The following DLG2 variants were observed in gnomAD, a reference collection of about 807,000 sequenced individuals.
The protein encoded by DLG2 is disks large homolog 2.
DLG2 carries 45 observed loss-of-function variants against 132.5 expected under a neutral mutation model. The observed-to-expected ratio is 0.34, with a 90% CI of 0.27 to 0.44. The LOEUF is 0.44. Ranked by LOEUF, DLG2 falls within the 20% of genes least tolerant of loss-of-function variation. The pLI is 1.00. For missense variants in DLG2, 1,045 were observed against 1,196.9 expected, an observed-to-expected ratio of 0.87 and a Z score of 1.87; for synonymous variants, 424 against 419.6, an observed-to-expected ratio of 1.01 and a Z score of -0.13.
chr11:83,784,715 G>A (rs1594311055), intron 18 of DLG2, among the ~76,000 whole-genome samples: 1 of 152,164 alleles, frequency 6.6e-6, no homozygotes, highest in South Asian at 2.1e-4. Flanking sequence ...ATAGAACAGG[G>A]ACATGTTTGT....
intron 3 of DLG2, among the ~76,000 whole-genome samples, chr11:85,557,997 A>G (rs1213921845): frequency 6.6e-6 from 1 of 151,992 alleles, no homozygotes; most frequent in Non-Finnish European, 1.5e-5. Context: ...ACAGCAAAAG[A>G]CACTACAACA....
At chr11:84,792,820 A>G (rs935945758) in intron 6 of DLG2, among the ~76,000 whole-genome samples, 2 of 151,952 alleles carry the variant, frequency 1.3e-5, no homozygotes, top group Non-Finnish European at 2.9e-5. Flanking sequence ...TTTTGCTCTT[A>G]GTCTGGATAA....
chr11:84,007,247 C>T (rs923935364), intron 11 of DLG2, among the ~76,000 whole-genome samples: 3 of 151,614 alleles, frequency 2.0e-5, no homozygotes, highest in Non-Finnish European at 4.4e-5. Flanking sequence ...AGTAACTAAA[C>T]AATATTTCCA....
At chr11:84,870,590 C>T (rs2154041240) in intron 6 of DLG2, among the ~76,000 whole-genome samples, 1 of 152,278 alleles carries the variant, frequency 6.6e-6, no homozygotes, top group Non-Finnish European at 1.5e-5. Context: ...CTCGCAATAG[C>T]TGTTGACAAT....
At chr11:83,988,560 ATTTG>A (rs1166343864) in intron 11 of DLG2, among the ~76,000 whole-genome samples, 2 of 152,108 alleles carry the variant, frequency 1.3e-5, no homozygotes, top group Non-Finnish European at 2.9e-5. Context: ...ATGTTTTTCC[ATTTG>A]TTTGTGTGAT....
intron 17 of DLG2, 27 bp from the exon 18 acceptor site, chr11:83,786,819 T>C: frequency 6.2e-7 from 1 of 1,604,952 alleles, no homozygotes; most frequent in Non-Finnish European, 8.5e-7. Context: ...CAGAGAATCT[T>C]GGTATTTCAT....
intron 6 of DLG2, among the ~76,000 whole-genome samples, chr11:84,952,410 G>T (rs538445748): frequency 6.6e-6 from 1 of 152,036 alleles, no homozygotes; most frequent in South Asian, 2.1e-4. Context: ...CCAGCTACTC[G>T]GGAGGCTGAG....
chr11:84,715,725 A>G (rs533381607), intron 6 of DLG2, among the ~76,000 whole-genome samples: 2 of 152,264 alleles, frequency 1.3e-5, no homozygotes, highest in African/African-American at 4.8e-5. Flanking sequence ...GTTGGATAAT[A>G]TTCTAATTTA....
chr11:84,596,755 G>A (rs1250819169), intron 6 of DLG2, among the ~76,000 whole-genome samples: 1 of 152,066 alleles, frequency 6.6e-6, no homozygotes, highest in African/African-American at 2.4e-5. Context: ...TTTTGATTTT[G>A]GAATTACATA....
intron 9 of DLG2, among the ~76,000 whole-genome samples, chr11:84,133,313 T>C (rs1173842287): frequency 6.6e-6 from 1 of 152,034 alleles, no homozygotes; most frequent in African/African-American, 2.4e-5. Context: ...CTATTCTTAT[T>C]ATTGATGTTT....
At chr11:84,963,856 T>C (rs1252001458) in intron 6 of DLG2, among the ~76,000 whole-genome samples, 3 of 152,258 alleles carry the variant, frequency 2.0e-5, no homozygotes, top group Non-Finnish European at 4.4e-5. Flanking sequence ...AAAACTCACC[T>C]GGCACAAGTC....
At chr11:84,406,579 A>G (rs567017030) in intron 7 of DLG2, among the ~76,000 whole-genome samples, 1 of 152,192 alleles carries the variant, frequency 6.6e-6, no homozygotes, top group African/African-American at 2.4e-5. Context: ...GGCTAAAGGA[A>G]TCCACTCACC....
chr11:84,186,524 T>C (rs1370226047), intron 8 of DLG2, among the ~76,000 whole-genome samples: 1 of 152,002 alleles, frequency 6.6e-6, no homozygotes, highest in African/African-American at 2.4e-5. Flanking sequence ...ATATAATAGG[T>C]ATTCTATAAA....
At chr11:83,773,227 C>T (rs2094465987) in intron 18 of DLG2, among the ~76,000 whole-genome samples, 2 of 152,158 alleles carry the variant, frequency 1.3e-5, no homozygotes, top group Admixed American at 1.3e-4. Context: ...TTGAGCGAGT[C>T]ACTTAACTTC....
intron 6 of DLG2, among the ~76,000 whole-genome samples, chr11:84,553,158 C>A (rs1054802690): frequency 1.3e-4 from 20 of 152,172 alleles, no homozygotes; most frequent in African/African-American, 4.3e-4. Flanking sequence ...TCCACAGTCT[C>A]TCCTAATCTA....
At position 83,892,187 on chromosome 11, in the gene DLG2, T is replaced by C. The variant is rs188629934; in HGVS notation, c.1497-17699A>G. Among the ~76,000 whole-genome samples the C allele has an allele frequency of 8.5e-5, 13 of 152,288 alleles. No individual in the cohort carries two copies. The East Asian group carries it at 1.5e-3, about 18-fold the overall frequency. On this transcript the variant is annotated intron_variant, in intron 15 of 27. Transcript: ENST00000376104. Reference sequence around the variant, plus strand: ...TCTACTTATTACCAGAGCTCTAGTATTGAAAAGAAGAAAAAGTAAGTTGGA... The same window carrying C: ...TCTACTTATTACCAGAGCTCTAGTACTGAAAAGAAGAAAAAGTAAGTTGGA...
intron 6 of DLG2, among the ~76,000 whole-genome samples, chr11:84,558,240 A>G (rs1179815582): frequency 6.6e-6 from 1 of 152,192 alleles, no homozygotes; most frequent in Non-Finnish European, 1.5e-5. Flanking sequence ...TTTATTTCCC[A>G]GATTACATCC....
intron 6 of DLG2, among the ~76,000 whole-genome samples, chr11:85,035,845 T>C (rs1304536905): frequency 6.6e-6 from 1 of 152,200 alleles, no homozygotes; most frequent in Non-Finnish European, 1.5e-5. Flanking sequence ...TCTTGAGTTA[T>C]GATAACCCCC....
At chr11:84,033,947 G>C (rs2095790122) in intron 11 of DLG2, among the ~76,000 whole-genome samples, 1 of 152,084 alleles carries the variant, frequency 6.6e-6, no homozygotes, top group African/African-American at 2.4e-5. Flanking sequence ...CGGGCATGTT[G>C]GCACATGCCT....
Sources: gnomAD v4.1 joint callset for allele counts (sites outside exome capture counted in the v4.1 genomes callset) on GRCh38, gnomAD v4.1.1 for gene constraint, MANE v1.5 for transcripts, NCBI Gene and HGNC (gene_info 2026-07-23, HGNC 2026-07-21) for gene names.